TCFL5: variants seen among roughly 807,000 people sequenced by gnomAD.
TCFL5 encodes transcription factor like 5.
Under a neutral mutation model 44.3 loss-of-function variants are expected in TCFL5, and 9 were observed. The ratio of observed to expected loss-of-function variants is 0.20; its 90% CI spans 0.12 to 0.35. The LOEUF (loss-of-function observed/expected upper bound fraction) is 0.35, where lower values mean the gene tolerates loss of function less well. TCFL5 is among the 10% of genes least tolerant of loss of function. TCFL5 has a pLI of 1.00. For synonymous variants in TCFL5, 319 were observed against 271.6 expected (o/e 1.17, Z -1.72); for missense variants, 603 against 613.4 (o/e 0.98, Z 0.18).
At chr20:62,849,159 C>T (rs991943534) in intron 5 of TCFL5, among the ~76,000 whole-genome samples, 1 of 146,294 alleles carries the variant, frequency 6.8e-6, no homozygotes, top group African/African-American at 2.5e-5. Flanking sequence ...AGCGAGACGC[C>T]GTCTCAAAAA....
chr20:62,850,786 T>A (rs1384791755), intron 5 of TCFL5, among the ~76,000 whole-genome samples: 1 of 152,150 alleles, frequency 6.6e-6, no homozygotes, highest in East Asian at 1.9e-4. Flanking sequence ...CAGGCACTCC[T>A]CAGACTCTGC....
intron 5 of TCFL5, among the ~76,000 whole-genome samples, chr20:62,847,697 T>C (rs2063760887): frequency 6.6e-6 from 1 of 152,252 alleles, no homozygotes. Flanking sequence ...CCAGTGGCCA[T>C]GTTCAAAAAC....
intron 5 of TCFL5, among the ~76,000 whole-genome samples, chr20:62,853,061 C>T (rs946691417): frequency 3.4e-5 from 5 of 148,092 alleles, no homozygotes; most frequent in East Asian, 2.0e-4. Context: ...CACAGAAGTA[C>T]AGTCACCCGG....
rs1037617188 is a variant in TCFL5, at chr20:62,861,605, G to C, written c.66C>G (p.Val22=). The C allele has an allele frequency of 9.7e-7, 1 of 1,027,132 alleles. No homozygotes were observed. Among genetic ancestry groups the C allele is most frequent in the Non-Finnish European group, 1.2e-6 (1 of 858,326 alleles). 63.6% of individuals were successfully genotyped at this position (1,027,132 alleles called of 1,614,324 possible). ...EAGAAGGEAA[V]EGAGGGDAAL... Reference sequence around the variant, plus strand: ...CCGCGTCCCCGCCGCCCGCGCCCTCGACGGCCGCCTCGCCGCCTGCCGCGC... The same window carrying C: ...CCGCGTCCCCGCCGCCCGCGCCCTCCACGGCCGCCTCGCCGCCTGCCGCGC... Residue 22 remains valine, a synonymous_variant, in exon 1 of 6, where the codon GTC becomes GTG. Transcript: ENST00000335351. This position sits in a 1 kb window ranked among gnomAD's most constrained non-coding sequence, Gnocchi z 4.0.
chr20:62,842,219 G>C lies in TCFL5; in HGVS notation c.1381-122C>G. On this transcript the variant is annotated intron_variant, in intron 5 of 5. Coordinates refer to ENST00000335351, the MANE Select transcript of TCFL5 (RefSeq NM_006602.4). This position sits in a 1 kb window ranked among gnomAD's most constrained non-coding sequence, Gnocchi z 4.3. ...TGACTTTAGAATACGCTGTTTTAAG[G>C]TGTCATTCACAAACTTGTGTCTTAC... The C allele has an allele frequency of 7.8e-7, 1 of 1,273,974 alleles. No individual in the cohort carries two copies. The highest frequency in any genetic ancestry group is 1.1e-6 in the Non-Finnish European group (1 of 928,754). The allele number at this position is 1,273,974 out of a possible 1,614,324, so 78.9% of individuals were successfully genotyped here. A position where few individuals can be genotyped will look rare whatever the true frequency, so the allele number is the denominator to read the frequency against.
rs923972858 is a variant in TCFL5, at chr20:62,841,680, CATG to C, written c.*292_*294del. ...TTTTTAAGTTATCATGTTAAGAAAA[CATG>C]ATGGAATCAGAGCATTGAGAAAATG... On this transcript the variant is annotated 3_prime_UTR_variant, in exon 6 of 6. Transcript: ENST00000335351. 12 of 210,682 alleles carry C rather than the reference CATG, an allele frequency of 5.7e-5. No homozygotes were observed. Among genetic ancestry groups the C allele is most frequent in the African/African-American group, 2.3e-4 (10 of 43,452 alleles). 13.1% of individuals were successfully genotyped at this position (210,682 alleles called of 1,614,324 possible).
In TCFL5 at chr20:62,842,719, T is replaced by C. The variant is rs2063693399; in HGVS notation, c.1381-622A>G. Among the ~76,000 whole-genome samples, 1 of 152,194 alleles carries C rather than the reference T, an allele frequency of 6.6e-6. No homozygotes were observed. Among genetic ancestry groups the C allele is most frequent in the Non-Finnish European group, 1.5e-5 (1 of 68,040 alleles). On this transcript the variant is annotated intron_variant, in intron 5 of 5. Coordinates refer to ENST00000335351, the MANE Select transcript of TCFL5 (RefSeq NM_006602.4). The surrounding 1 kb of genome is among the most constrained non-coding windows in gnomAD (Gnocchi z 4.3). Reference sequence around the variant, plus strand: ...TGGAGGTTGCAGTGAGCCGAGATCATGCCATTGCACTCCAGTCTGGGCAAC... The same window carrying C: ...TGGAGGTTGCAGTGAGCCGAGATCACGCCATTGCACTCCAGTCTGGGCAAC...
chr20:62,861,420 G>T lies in TCFL5; in HGVS notation c.251C>A (p.Ala84Glu). ...GCCCGCGCCTGCGCCCGGGCCCGCCGCCGCCAGCAGCGCCGAGTTGAGGCG... is the reference window on the plus strand; with the variant it reads ...GCCCGCGCCTGCGCCCGGGCCCGCCTCCGCCAGCAGCGCCGAGTTGAGGCG... ...ETRLNSALLA[A>E]AGPGAGAGGF... Residue 84 changes from alanine to glutamate, a missense_variant, in exon 1 of 6, where the codon GCG (alanine) becomes GAG (glutamate). This residue lies in a region of TCFL5 where 540 missense variants were observed against 478.7 expected (regional missense o/e 1.13). Coordinates refer to ENST00000335351, the MANE Select transcript of TCFL5 (RefSeq NM_006602.4). This position sits in a 1 kb window ranked among gnomAD's most constrained non-coding sequence, Gnocchi z 4.0. The T allele has an allele frequency of 2.6e-6, 3 of 1,136,292 alleles. No individual in the cohort carries two copies. Among genetic ancestry groups the T allele is most frequent in the Non-Finnish European group, 2.2e-6 (2 of 924,072 alleles). 70.4% of individuals were successfully genotyped at this position (1,136,292 alleles called of 1,614,324 possible). A position where few individuals can be genotyped will look rare whatever the true frequency, so the allele number is the denominator to read the frequency against.
At chr20:62,847,138 G>A (rs1380449746) in intron 5 of TCFL5, among the ~76,000 whole-genome samples, 3 of 150,164 alleles carry the variant, frequency 2.0e-5, no homozygotes, top group African/African-American at 7.4e-5. Context: ...AGCCAAGATC[G>A]CGCCATTACA....
At position 62,857,383 on chromosome 20, in the gene TCFL5, C is replaced by T. The variant is rs1442825773; in HGVS notation, c.1238+12G>A. On this transcript the variant is annotated intron_variant, in intron 4 of 5. Transcript: ENST00000335351. ...TATATGAGTCAGCCTGACAAGCAGT[C>T]ACACGTATTACCTTCTATCTCTTTC... 1 of 1,612,942 alleles carries T rather than the reference C, an allele frequency of 6.2e-7. No homozygotes were observed. Among genetic ancestry groups the T allele is most frequent in the Admixed American group, 1.7e-5 (1 of 59,970 alleles).
rs76139942 is a variant in TCFL5, at chr20:62,846,676, G to A, written c.1381-4579C>T. The stretch of plus-strand genomic sequence containing the variant: ...AGCTACTCGGGAGGCTGAGGCAGGA[G>A]GAGCACCTGAGCCCAAGAGGACGAG... On this transcript the variant is annotated intron_variant, in intron 5 of 5. Coordinates refer to ENST00000335351, the MANE Select transcript of TCFL5 (RefSeq NM_006602.4). 3.2e-3 allele frequency among the ~76,000 whole-genome samples: 481 copies of A among 151,866 alleles called. 2 individuals are homozygous for A. The highest frequency in any genetic ancestry group is 0.011 in the African/African-American group (454 of 41,404).
rs1314061208 is a variant in TCFL5, at chr20:62,858,756, C to T, written c.994+608G>A. On this transcript the variant is annotated intron_variant, in intron 3 of 5. Coordinates refer to ENST00000335351, the MANE Select transcript of TCFL5 (RefSeq NM_006602.4). ...GTTTCCCAGGGAGGAAGGGGCTACG[C>T]AGGTGTTTCCCAGGGAGGAAGGGGC... Among the ~76,000 whole-genome samples, 3 of 63,800 alleles carry T rather than the reference C, an allele frequency of 4.7e-5. No homozygotes were observed. In the East Asian group the frequency reaches 1.3e-3, roughly 28 times the overall value. 41.9% of individuals were successfully genotyped at this position (63,800 alleles called of 152,430 possible). A position where few individuals can be genotyped will look rare whatever the true frequency, so the allele number is the denominator to read the frequency against.
At chr20:62,859,655 G>T in intron 2 of TCFL5, 129 bp from the exon 3 acceptor site, 2 of 829,110 alleles carry the variant, frequency 2.4e-6, no homozygotes, top group East Asian at 5.8e-5. Flanking sequence ...TAGTTGCACT[G>T]AAGATTTAAA....
intron 2 of TCFL5, 74 bp from the exon 3 acceptor site, chr20:62,859,600 C>A (rs1359719933): frequency 3.6e-6 from 5 of 1,400,088 alleles, no homozygotes; most frequent in Non-Finnish European, 3.9e-6. Flanking sequence ...AAATGAAATG[C>A]ACTTAACAAA....
At chr20:62,850,344 T>TC (rs1380201392) in intron 5 of TCFL5, among the ~76,000 whole-genome samples, 1 of 151,754 alleles carries the variant, frequency 6.6e-6, no homozygotes, top group Non-Finnish European at 1.5e-5. Flanking sequence ...TACTTATCTA[T>TC]CCCCTGCCTC....
intron 5 of TCFL5, among the ~76,000 whole-genome samples, chr20:62,844,185 C>T (rs900422162): frequency 1.3e-5 from 2 of 152,346 alleles, no homozygotes; most frequent in African/African-American, 4.8e-5. Context: ...ACACCCCCAG[C>T]GGCAAAGCAC....
chr20:62,842,245 C>G lies in TCFL5; in HGVS notation c.1381-148G>C. 3.0e-6 allele frequency: 3 copies of G among 994,790 alleles called. No homozygotes were observed. The highest frequency in any genetic ancestry group is 4.4e-6 in the Non-Finnish European group (3 of 687,978). 61.6% of individuals were successfully genotyped at this position (994,790 alleles called of 1,614,324 possible). A position where few individuals can be genotyped will look rare whatever the true frequency, so the allele number is the denominator to read the frequency against. On this transcript the variant is annotated intron_variant, in intron 5 of 5. Coordinates refer to ENST00000335351, the MANE Select transcript of TCFL5 (RefSeq NM_006602.4). The surrounding 1 kb of genome is among the most constrained non-coding windows in gnomAD (Gnocchi z 4.3). Reference sequence around the variant, plus strand: ...TGTCATTCACAAACTTGTGTCTTACCTCACAAGGGGATTTATATAATAAAC... The same window carrying G: ...TGTCATTCACAAACTTGTGTCTTACGTCACAAGGGGATTTATATAATAAAC...
rs2063852139 is a variant in TCFL5, at chr20:62,854,067, G to A, written c.1329C>T (p.Thr443=). 2 of 1,614,104 alleles carry A rather than the reference G, an allele frequency of 1.2e-6. No homozygotes were observed. The highest frequency in any genetic ancestry group is 1.7e-6 in the Non-Finnish European group (2 of 1,180,030). The change falls in exon 5 of 6, where the codon ACC becomes ACT. Residue 443 remains threonine (T), a synonymous_variant. Transcript: ENST00000335351. ...ETDKATTLQW[T]TAFLKYIQER... is the part of the protein sequence containing the mutation. Reference sequence around the variant, plus strand: ...CCTGGATGTATTTCAGGAATGCTGTGGTCCACTGCAGAGTTGTGGCCTTGT... The same window carrying A: ...CCTGGATGTATTTCAGGAATGCTGTAGTCCACTGCAGAGTTGTGGCCTTGT...
chr20:62,848,155 G>A (rs1021352778), intron 5 of TCFL5, among the ~76,000 whole-genome samples: 3 of 152,238 alleles, frequency 2.0e-5, no homozygotes, highest in Non-Finnish European at 2.9e-5. Context: ...GTGAGGGACA[G>A]CGACACCGGG....
Sources: gnomAD v4.1 joint callset for allele counts (sites outside exome capture counted in the v4.1 genomes callset) on GRCh38, gnomAD v4.1.1 for gene constraint, gnomAD v4.1.1 regional missense constraint, Gnocchi (gnomAD v3.1) non-coding constraint, MANE v1.5 for transcripts, NCBI Gene and HGNC (gene_info 2026-07-23, HGNC 2026-07-21) for gene names.